Variants in BNIP2 observed in about 807,000 individuals in gnomAD.
BNIP2 encodes BCL2/adenovirus E1B 19 kDa protein-interacting protein 2.
Under a neutral mutation model 43.4 loss-of-function variants are expected in BNIP2, and 36 were observed. The ratio of observed to expected loss-of-function variants is 0.83; its 90% CI spans 0.64 to 1.10. The LOEUF is 1.10. Ranked by LOEUF, BNIP2 falls within the 50% of genes least tolerant of loss-of-function variation. The pLI, the probability that BNIP2 is intolerant of heterozygous loss-of-function variation, is 0.00. For missense variants in BNIP2, 417 were observed against 374.1 expected, an observed-to-expected ratio of 1.11 and a Z score of -0.95; for synonymous variants, 146 against 121.0, an observed-to-expected ratio of 1.21 and a Z score of -1.35.
At chr15:59,665,235 G>C (rs753263310) in intron 9 of BNIP2, 1 of 151,884 alleles carries the variant, frequency 6.6e-6, no homozygotes, top group Non-Finnish European at 1.5e-5. Context: ...TTGCACTCCA[G>C]ACTGGGTGAC....
intron 9 of BNIP2, among the ~76,000 whole-genome samples, chr15:59,667,881 T>C (rs1032564592): frequency 5.9e-5 from 9 of 152,244 alleles, no homozygotes; most frequent in African/African-American, 2.2e-4. Flanking sequence ...GTCTGTGGTT[T>C]TTAATTGCTA....
intron 1 of BNIP2, among the ~76,000 whole-genome samples, chr15:59,688,235 G>A (rs1894144224): frequency 6.6e-6 from 1 of 152,272 alleles, no homozygotes; most frequent in African/African-American, 2.4e-5. Context: ...TAACTTAATT[G>A]GGTAAGGTCA....
At chr15:59,677,423 T>C (rs933573521) in intron 5 of BNIP2, 316 of 1,470,992 alleles carry the variant, frequency 2.1e-4, no homozygotes, top group Non-Finnish European at 2.8e-4. Context: ...GACACAGTCC[T>C]AGGAACCATT....
chr15:59,689,156 C>G lies in BNIP2; in HGVS notation c.-79G>C, dbSNP rs1894219482. On this transcript the variant is annotated 5_prime_UTR_variant, in exon 1 of 10. Coordinates refer to ENST00000607373, the MANE Select transcript of BNIP2 (RefSeq NM_004330.4). ...TCACCCCGGAGGAAGCCTTGGCCCC[C>G]TCGTCCTCTTCGCCCCTCCAGGCCG... 6.5e-7 allele frequency: 1 copy of G among 1,537,880 alleles called. No homozygotes were observed. Among genetic ancestry groups the G allele is most frequent in the Middle Eastern group, 1.7e-4 (1 of 5,890 alleles).
intron 4 of BNIP2, 35 bp from the exon 5 acceptor site, chr15:59,678,122 T>C (rs1265854020): frequency 1.3e-6 from 2 of 1,572,874 alleles, no homozygotes; most frequent in South Asian, 1.2e-5. Flanking sequence ...TCACAAATTG[T>C]TACACAACAA....
chr15:59,685,557 C>T (rs1476125080), intron 1 of BNIP2, among the ~76,000 whole-genome samples: 1 of 152,184 alleles, frequency 6.6e-6, no homozygotes, highest in African/African-American at 2.4e-5. Flanking sequence ...GAAACACAGG[C>T]AGCCCAAGTC....
intron 9 of BNIP2, chr15:59,668,672 T>A (rs758125568): frequency 1.3e-5 from 6 of 469,840 alleles, no homozygotes; most frequent in Admixed American, 3.9e-5. Flanking sequence ...AAATAATTTA[T>A]CCTAGTTCTT....
At chr15:59,668,549 T>C (rs1250320850) in intron 9 of BNIP2, among the ~76,000 whole-genome samples, 2 of 152,252 alleles carry the variant, frequency 1.3e-5, no homozygotes, top group Non-Finnish European at 2.9e-5. Context: ...TTTACTCAAA[T>C]TTGTTGAGCA....
intron 7 of BNIP2, 72 bp downstream of exon 7, chr15:59,671,111 A>G (rs1263186704): frequency 4.3e-6 from 6 of 1,392,886 alleles, no homozygotes; most frequent in East Asian, 2.5e-5. Context: ...ATAGCAACGA[A>G]AAACAAAGTT....
intron 9 of BNIP2, chr15:59,667,981 G>T: frequency 1.8e-6 from 1 of 552,850 alleles, no homozygotes; most frequent in Non-Finnish European, 2.8e-6. Flanking sequence ...TGGAAGTTGG[G>T]GTACATTTAT....
At chr15:59,667,714 TAA>T (rs1892648390) in intron 9 of BNIP2, among the ~76,000 whole-genome samples, 1 of 152,226 alleles carries the variant, frequency 6.6e-6, no homozygotes, top group South Asian at 2.1e-4. Flanking sequence ...TGAGAACTTT[TAA>T]AAAGTCTGCA....
chr15:59,685,617 G>A (rs145880584), intron 1 of BNIP2, among the ~76,000 whole-genome samples: 28 of 152,214 alleles, frequency 1.8e-4, no homozygotes, highest in Non-Finnish European at 3.2e-4. Context: ...ATATCATATT[G>A]AATCATGTGT....
chr15:59,672,372 C>T (rs1215716603), intron 6 of BNIP2: 1 of 269,090 alleles, frequency 3.7e-6, no homozygotes, highest in Non-Finnish European at 7.1e-6. Flanking sequence ...CTCATGGGCT[C>T]AGGTGATACT....
At chr15:59,687,004 G>T (rs6151453) in intron 1 of BNIP2, among the ~76,000 whole-genome samples, 5 of 152,108 alleles carry the variant, frequency 3.3e-5, no homozygotes, top group Non-Finnish European at 5.9e-5. Context: ...GTGACAGAGC[G>T]AGACTGCATC....
At chr15:59,672,810 T>C (rs1477975128) in intron 5 of BNIP2, 71 bp from the exon 6 acceptor site, 2 of 1,053,238 alleles carry the variant, frequency 1.9e-6, no homozygotes, top group Non-Finnish European at 2.9e-6. Context: ...GACATCTGTA[T>C]GATTAGTAAA....
intron 9 of BNIP2, chr15:59,668,149 AAG>A: frequency 8.0e-7 from 1 of 1,257,316 alleles, no homozygotes; most frequent in South Asian, 1.3e-5. Context: ...CTTTGTAGGG[AAG>A]AGTTATTTCA....
Position 59,677,464 on chromosome 15 carries a change from C to G in BNIP2, c.472+447G>C, listed in dbSNP as rs923949728. On this transcript the variant is annotated intron_variant, in intron 5 of 9. Coordinates refer to ENST00000607373, the MANE Select transcript of BNIP2 (RefSeq NM_004330.4). The stretch of plus-strand genomic sequence containing the variant: ...TATAGTGCATCTCAGAGCCATAGAG[C>G]AGGTGACTGGAAATCTAACTCAGTA... The G allele has an allele frequency of 9.9e-6, 14 of 1,415,646 alleles. No individual in the cohort carries two copies. In the South Asian group the frequency reaches 1.1e-4, roughly 11 times the overall value. 87.7% of individuals were successfully genotyped at this position (1,415,646 alleles called of 1,614,324 possible). A position where few individuals can be genotyped will look rare whatever the true frequency, so the allele number is the denominator to read the frequency against.
chr15:59,659,549 T>C lies in BNIP2; in HGVS notation c.*4520A>G, dbSNP rs1324016129. On this transcript the variant is annotated 3_prime_UTR_variant, in exon 10 of 10. Coordinates refer to ENST00000607373, the MANE Select transcript of BNIP2 (RefSeq NM_004330.4). ...AGTCAGTGGCCCTGAACATCATCAA[T>C]ATTTACTAGCTAGGTTTACACAAAT... 6.6e-6 allele frequency: 1 copy of C among 152,228 alleles called. No homozygotes were observed. Among genetic ancestry groups the C allele is most frequent in the African/African-American group, 2.4e-5 (1 of 41,452 alleles). The allele number at this position is 152,228 out of a possible 1,614,324, so 9.4% of individuals were successfully genotyped here.
chr15:59,665,261 C>T (rs1328869736), intron 9 of BNIP2: 1 of 128,526 alleles, frequency 7.8e-6, no homozygotes, highest in African/African-American at 2.6e-5. Flanking sequence ...GAGACTCCGT[C>T]TTAAAAAAAT....
Sources: allele counts gnomAD v4.1 joint callset (sites outside exome capture counted in the v4.1 genomes callset), GRCh38; gene constraint gnomAD v4.1.1; transcripts MANE v1.5; gene names NCBI Gene and HGNC (gene_info 2026-07-23, HGNC 2026-07-21).